CDH7: variants seen among roughly 807,000 people sequenced by gnomAD.
The protein encoded by CDH7 is cadherin-7.
Under a neutral mutation model 71.8 loss-of-function variants are expected in CDH7, and 25 were observed. The observed-to-expected ratio is 0.35, with a 90% CI of 0.25 to 0.49. CDH7 has a LOEUF of 0.49. Ranked by LOEUF, CDH7 falls within the 20% of genes least tolerant of loss-of-function variation. The pLI is 0.99. For missense variants in CDH7, 862 were observed against 974.6 expected (o/e 0.88, Z 1.54); for synonymous variants, 381 against 363.8 (o/e 1.05, Z -0.54).
rs1910313566 is a variant in CDH7, at chr18:65,782,117, T to TCTTTCTTC, written c.210+19072_210+19073insCCTTTCTT. Among the ~76,000 whole-genome samples, 2 of 63,044 alleles carry TCTTTCTTC rather than the reference T, an allele frequency of 3.2e-5. 1 individual carries two copies. Among genetic ancestry groups the TCTTTCTTC allele is most frequent in the Non-Finnish European group, 5.1e-5 (2 of 39,052 alleles). 41.4% of individuals were successfully genotyped at this position (63,044 alleles called of 152,430 possible). A position where few individuals can be genotyped will look rare whatever the true frequency, so the allele number is the denominator to read the frequency against. On this transcript the variant is annotated intron_variant, in intron 2 of 11. Coordinates refer to ENST00000397968, the MANE Select transcript of CDH7 (RefSeq NM_004361.5). ...TTCCTTCCTTCCTTCCTTCTTTCTT[T>TCTTTCTTC]CTTTCTTTCTTTCTTTCTTTCTTTC...
chr18:65,843,286 C>T (rs1231642795), intron 6 of CDH7, among the ~76,000 whole-genome samples: 1 of 152,114 alleles, frequency 6.6e-6, no homozygotes, highest in African/African-American at 2.4e-5. Context: ...TGGAGAAGAA[C>T]TGGCCATGTT....
At chr18:65,850,639 C>T (rs1039467766) in intron 7 of CDH7, among the ~76,000 whole-genome samples, 20 of 150,972 alleles carry the variant, frequency 1.3e-4, no homozygotes, top group South Asian at 6.3e-4. Flanking sequence ...TATATGTGGC[C>T]GTCTCTTCTC....
chr18:65,844,589 T>A (rs189721162), intron 7 of CDH7, among the ~76,000 whole-genome samples: 79 of 152,204 alleles, frequency 5.2e-4, no homozygotes, highest in African/African-American at 1.8e-3. Flanking sequence ...ATCTTTTCAG[T>A]AGTCTTGTAT....
At chr18:65,805,664 C>G (rs4940652) in intron 2 of CDH7, among the ~76,000 whole-genome samples, 90,566 of 152,156 alleles carry the variant, frequency 0.6, 28,895 homozygotes, top group East Asian at 0.97. Flanking sequence ...GAATAAACAG[C>G]CACAATTGGC....
chr18:65,759,941 T>C (rs1017312556), intron 1 of CDH7, among the ~76,000 whole-genome samples: 1 of 152,214 alleles, frequency 6.6e-6, no homozygotes, highest in Non-Finnish European at 1.5e-5. Context: ...TATATAGTAC[T>C]TTGGCGCCTT....
chr18:65,834,005 A>C (rs982002092), intron 6 of CDH7, among the ~76,000 whole-genome samples: 1 of 152,170 alleles, frequency 6.6e-6, no homozygotes, highest in African/African-American at 2.4e-5. Context: ...TGCTGAGTAC[A>C]AGTCACAGAT....
At chr18:65,830,725 C>CTTTCTTTCTT (rs1555687110) in intron 6 of CDH7, among the ~76,000 whole-genome samples, 3 of 130,760 alleles carry the variant, frequency 2.3e-5, no homozygotes, top group African/African-American at 8.7e-5. Flanking sequence ...TTCTCTCTCT[C>CTTTCTTTCTT]TCTTTCTTTC....
chr18:65,868,340 A>G (rs902427448), intron 11 of CDH7, among the ~76,000 whole-genome samples: 8 of 152,244 alleles, frequency 5.3e-5, no homozygotes, highest in African/African-American at 1.7e-4. Context: ...AAGTATTACT[A>G]TGCCCACATT....
At chr18:65,852,063 A>G (rs1203387572) in intron 7 of CDH7, among the ~76,000 whole-genome samples, 1 of 152,216 alleles carries the variant, frequency 6.6e-6, no homozygotes, top group African/African-American at 2.4e-5. Context: ...AACATGAGAA[A>G]AGGCACAGAA....
At chr18:65,793,774 A>T (rs1376897456) in intron 2 of CDH7, among the ~76,000 whole-genome samples, 1 of 152,186 alleles carries the variant, frequency 6.6e-6, no homozygotes, top group Non-Finnish European at 1.5e-5. Flanking sequence ...AAATGCTGGC[A>T]TTGACTGAAG....
chr18:65,815,507 A>T (rs1311396482), intron 4 of CDH7, among the ~76,000 whole-genome samples: 81 of 152,200 alleles, frequency 5.3e-4, no homozygotes, highest in Admixed American at 5.3e-3. Flanking sequence ...CATGTTTACC[A>T]AAAGGGCAAT....
intron 4 of CDH7, among the ~76,000 whole-genome samples, chr18:65,818,336 A>G (rs141472123): frequency 1.3e-5 from 2 of 152,314 alleles, no homozygotes; most frequent in African/African-American, 4.8e-5. Context: ...AATTGCTCCA[A>G]CAGGAGCTCT....
At chr18:65,814,773 A>G (rs1331273891) in intron 4 of CDH7, among the ~76,000 whole-genome samples, 169 bp downstream of exon 4, 1 of 152,128 alleles carries the variant, frequency 6.6e-6, no homozygotes, top group East Asian at 1.9e-4. Context: ...ACCTTTTAAA[A>G]ATATTTTATT....
rs532956578 is a variant in CDH7, at chr18:65,851,628, A to G, written c.1236-6188A>G. ...CAGAACACTGAAGACACACAGATGT[A>G]TGAGATATGGTCTTTTGCAGAAACC... On this transcript the variant is annotated intron_variant, in intron 7 of 11. Transcript: ENST00000397968. Among the ~76,000 whole-genome samples, 86 of 152,232 alleles carry G rather than the reference A, an allele frequency of 5.6e-4. 1 individual carries two copies. Among genetic ancestry groups the G allele is most frequent in the Non-Finnish European group, 1.0e-3 (70 of 68,046 alleles).
At chr18:65,750,876 C>A (rs1915848233), upstream of CDH7, 1 of 152,246 alleles carries the variant, frequency 6.6e-6, no homozygotes, top group Non-Finnish European at 1.5e-5. Flanking sequence ...CCGGAGGGGC[C>A]CCTCGCAGTG....
intron 11 of CDH7, among the ~76,000 whole-genome samples, chr18:65,878,707 C>A (rs1203183349): frequency 6.6e-6 from 1 of 152,142 alleles, no homozygotes; most frequent in Non-Finnish European, 1.5e-5. Context: ...ACTTTTGCAT[C>A]AACCTAGTAC....
chr18:65,774,960 C>T (rs772981721), intron 2 of CDH7, among the ~76,000 whole-genome samples: 5 of 151,976 alleles, frequency 3.3e-5, no homozygotes, highest in Non-Finnish European at 5.9e-5. Flanking sequence ...TCTCTCAAAG[C>T]GAAGATAGTA....
At chr18:65,863,030 G>T (rs1433662286) in intron 11 of CDH7, 113 bp downstream of exon 11, 12 of 1,220,754 alleles carry the variant, frequency 9.8e-6, no homozygotes, top group Non-Finnish European at 1.3e-5. Context: ...CTACTGGATG[G>T]TGTTTGTTTT....
chr18:65,852,156 T>TG (rs1239647938), intron 7 of CDH7, among the ~76,000 whole-genome samples: 2 of 143,630 alleles, frequency 1.4e-5, no homozygotes, highest in Non-Finnish European at 3.0e-5. Context: ...AGCAGAGGGG[T>TG]GAAAAAAAAC....
Sources: gnomAD v4.1 joint callset for allele counts (sites outside exome capture counted in the v4.1 genomes callset) on GRCh38, gnomAD v4.1.1 for gene constraint, MANE v1.5 for transcripts, NCBI Gene and HGNC (gene_info 2026-07-23, HGNC 2026-07-21) for gene names.